DMD: variants seen among roughly 807,000 people sequenced by gnomAD.
The protein encoded by DMD is dystrophin.
In DMD, 63 loss-of-function variants were observed where a neutral mutation model predicts 330.1. The ratio of observed to expected loss-of-function variants is 0.19; its 90% confidence interval spans 0.16 to 0.24. The LOEUF (loss-of-function observed/expected upper bound fraction) is 0.24, where lower values mean the gene tolerates loss of function less well. Ranked by LOEUF, DMD falls within the 10% of genes least tolerant of loss-of-function variation. The probability of loss-of-function intolerance (pLI) is 1.00; values close to 1 mark genes in which losing one functional copy is unlikely to be tolerated. For synonymous variants in DMD, 1,223 were observed against 959.8 expected (o/e 1.27, Z -5.07); for missense variants, 3,344 against 2,684.1 (o/e 1.25, Z -5.43).
intron 45 of DMD, among the ~76,000 whole-genome samples, chrX:31,935,266 C>T (rs2094909266): frequency 8.9e-6 from 1 of 111,946 alleles, no homozygotes; most frequent in Non-Finnish European, 1.9e-5. Flanking sequence ...AAGCTTACTA[C>T]CCCTTCCTAC....
chrX:32,956,822 C>A (rs747636533), intron 2 of DMD, among the ~76,000 whole-genome samples: 37 of 111,145 alleles, frequency 3.3e-4, no homozygotes, highest in Admixed American at 5.8e-4. Context: ...AGACATGAAG[C>A]CCCTGCCCAC....
chrX:32,366,675 A>G (rs1324775888), intron 34 of DMD, among the ~76,000 whole-genome samples: 1 of 111,635 alleles, frequency 9.0e-6, no homozygotes, highest in African/African-American at 3.3e-5. Context: ...TAATATACCT[A>G]AGTAGTCCTG....
intron 55 of DMD, among the ~76,000 whole-genome samples, chrX:31,594,727 G>C (rs1199544776): frequency 9.0e-6 from 1 of 110,763 alleles, no homozygotes; most frequent in African/African-American, 3.3e-5. Flanking sequence ...ATCATATAAA[G>C]ACAAAATTGG....
At chrX:31,362,204 G>A (rs1158937204) in intron 60 of DMD, among the ~76,000 whole-genome samples, 2 of 111,920 alleles carry the variant, frequency 1.8e-5, no homozygotes, top group Non-Finnish European at 3.8e-5. Context: ...GGCTAGTATC[G>A]CTATTGTTCC....
chrX:32,722,241 C>A (rs985439381), intron 7 of DMD, among the ~76,000 whole-genome samples: 2 of 109,813 alleles, frequency 1.8e-5, no homozygotes, highest in South Asian at 3.9e-4. Flanking sequence ...TCTATTTCCA[C>A]GGATGCAACT....
intron 53 of DMD, among the ~76,000 whole-genome samples, chrX:31,663,854 T>A (rs186170422): frequency 8.9e-6 from 1 of 111,881 alleles, no homozygotes; most frequent in East Asian, 2.8e-4. Context: ...AAGGCAGATA[T>A]TCACTCATTA....
intron 60 of DMD, among the ~76,000 whole-genome samples, chrX:31,389,739 G>C (rs1382726291): frequency 8.9e-6 from 1 of 112,100 alleles, no homozygotes; most frequent in East Asian, 2.8e-4. Context: ...CAAGAAAATT[G>C]ACCATAGAAA....
intron 52 of DMD, among the ~76,000 whole-genome samples, chrX:31,709,571 T>C (rs1029560215): frequency 3.3e-5 from 3 of 89,672 alleles, no homozygotes; most frequent in African/African-American, 4.7e-5. Flanking sequence ...TCTCTCTCTC[T>C]CTCTCTCTCT....
At chrX:33,104,743 C>A (rs1257989336) in intron 1 of DMD, among the ~76,000 whole-genome samples, 3 of 111,933 alleles carry the variant, frequency 2.7e-5, no homozygotes, top group African/African-American at 9.7e-5. Context: ...CAAACACAGA[C>A]GCCCAAGTAA....
intron 7 of DMD, among the ~76,000 whole-genome samples, chrX:32,753,384 C>T (rs1226496992): frequency 8.9e-6 from 1 of 112,004 alleles, no homozygotes; most frequent in Non-Finnish European, 1.9e-5. Flanking sequence ...ATAGGAGGTG[C>T]TTAATGAACA....
At chrX:32,172,951 A>C (rs2096892936) in intron 44 of DMD, among the ~76,000 whole-genome samples, 1 of 111,352 alleles carries the variant, frequency 9.0e-6, no homozygotes, top group Admixed American at 9.6e-5. Context: ...TGGAGGTATC[A>C]GAATGATCTG....
rs2097788757 is a variant in DMD at position 32,353,508 on chromosome X, T to A, written c.5326-4980A>T. On this transcript the variant is annotated intron_variant, in intron 37 of 78. Transcript: ENST00000357033. ...TAAATCATCTTAATTATTGGGTAAG[T>A]TACTTCTATTGACTTTAAAGGAAAT... is the stretch of plus-strand genomic sequence containing the variant. Among the ~76,000 whole-genome samples the A allele has an allele frequency of 4.5e-5, 5 of 111,460 alleles. No homozygotes were observed. In the South Asian group the frequency reaches 1.8e-3, roughly 41 times the overall value.
intron 9 of DMD, among the ~76,000 whole-genome samples, chrX:32,645,503 C>A (rs768998930): frequency 2.7e-5 from 3 of 111,772 alleles, no homozygotes; most frequent in Non-Finnish European, 5.6e-5. Flanking sequence ...CTTACATATA[C>A]ATTATCAGAA....
At chrX:31,714,716 G>C (rs1026149355) in intron 52 of DMD, among the ~76,000 whole-genome samples, 2 of 111,243 alleles carry the variant, frequency 1.8e-5, no homozygotes, top group African/African-American at 3.3e-5. Context: ...GCTTGTTGAC[G>C]TATATATTTA....
chrX:32,951,936 C>T (rs774238129), intron 2 of DMD, among the ~76,000 whole-genome samples: 8 of 110,790 alleles, frequency 7.2e-5, no homozygotes, highest in Non-Finnish European at 1.5e-4. Context: ...TATTTGACAT[C>T]TCCTCTTTTT....
In DMD at chrX:32,679,787, T is replaced by C. The variant is rs764699562; in HGVS notation, c.960+18083A>G. The stretch of plus-strand genomic sequence containing the variant: ...TGCTGAAAAAGACCACGTCAATCAA[T>C]TTTACTCACTTTAAACATGTTTTTT... On this transcript the variant is annotated intron_variant, in intron 9 of 78. Transcript: ENST00000357033. 2.1e-3 allele frequency among the ~76,000 whole-genome samples: 229 copies of C among 109,338 alleles called. 2 individuals are homozygous for C. Among genetic ancestry groups the C allele is most frequent in the African/African-American group, 7.5e-3 (224 of 29,977 alleles). 94.9% of individuals were successfully genotyped at this position (109,338 alleles called of 115,157 possible).
At chrX:33,123,637 C>T (rs181419834) in intron 1 of DMD, among the ~76,000 whole-genome samples, 3,126 of 107,738 alleles carry the variant, frequency 0.029, 129 homozygotes, top group African/African-American at 0.1. Context: ...AGGCTGGTCT[C>T]AAACTCCTGA....
At chrX:33,124,052 G>T (rs138380212) in intron 1 of DMD, among the ~76,000 whole-genome samples, 1,570 of 109,926 alleles carry the variant, frequency 0.014, 33 homozygotes, top group African/African-American at 0.049. Context: ...TTATATCCCA[G>T]TTACTTGGGA....
At chrX:32,076,052 C>CAAAAAAAAAAAAA (rs59686294) in intron 44 of DMD, among the ~76,000 whole-genome samples, 2 of 18,743 alleles carry the variant, frequency 1.1e-4, no homozygotes, top group Non-Finnish European at 2.0e-4. Context: ...GACTCTGTCT[C>CAAAAAAAAAAAAA]AAAAAAAAAA....
Sources: gnomAD v4.1 joint callset for allele counts (sites outside exome capture counted in the v4.1 genomes callset) on GRCh38, gnomAD v4.1.1 for gene constraint, MANE v1.5 for transcripts, NCBI Gene and HGNC (gene_info 2026-07-23, HGNC 2026-07-21) for gene names.